The following RNF19A variants were observed in gnomAD, a reference collection of about 807,000 sequenced individuals.
RNF19A encodes E3 ubiquitin-protein ligase RNF19A.
A neutral mutation model predicts 75.7 loss-of-function variants in RNF19A; 32 were observed. The observed-to-expected ratio is 0.42, with a 90% CI of 0.32 to 0.57. RNF19A has a LOEUF of 0.57. Among genes scored for constraint, RNF19A ranks in the 20% least tolerant of loss-of-function variants. The probability of loss-of-function intolerance (pLI) is 0.10; values close to 1 mark genes in which losing one functional copy is unlikely to be tolerated. For synonymous variants in RNF19A, 335 were observed against 345.2 expected, an observed-to-expected ratio of 0.97 and a Z score of 0.33; for missense variants, 782 against 1,036.3, an observed-to-expected ratio of 0.75 and a Z score of 3.37.
At chr8:100,301,002 T>C (rs2130142272) in intron 1 of RNF19A, among the ~76,000 whole-genome samples, 1 of 152,372 alleles carries the variant, frequency 6.6e-6, no homozygotes. Flanking sequence ...ATCCTTCTAG[T>C]GACTCTAGCA....
chr8:100,317,298 T>G lies in RNF19A; in HGVS notation c.-242-3926A>C, dbSNP rs1368645043. Among the ~76,000 whole-genome samples, 2 of 152,092 alleles carry G rather than the reference T, an allele frequency of 1.3e-5. No homozygotes were observed. Among genetic ancestry groups the G allele is most frequent in the Non-Finnish European group, 1.5e-5 (1 of 68,008 alleles). On this transcript the variant is annotated intron_variant, in intron 1 of 3. Transcript: ENST00000519527. The surrounding 1 kb of genome is among the most constrained non-coding windows in gnomAD (Gnocchi z 4.3). ...AAAGTGGGAGCCCAGGCAGAGGAGGTGCCGAGAGCAAGCGAGGGCTCTGAG... is the reference window on the plus strand; with the variant it reads ...AAAGTGGGAGCCCAGGCAGAGGAGGGGCCGAGAGCAAGCGAGGGCTCTGAG...
At chr8:100,321,316 T>C (rs1822462890) in intron 1 of RNF19A, among the ~76,000 whole-genome samples, 1 of 152,266 alleles carries the variant, frequency 6.6e-6, no homozygotes, top group Non-Finnish European at 1.5e-5. Context: ...CAACAATGTT[T>C]CCAGCATCTT....
In RNF19A at chr8:100,269,883, A is replaced by T. The variant is rs1820173085; in HGVS notation, c.1014T>A (p.Asp338Glu). 6.2e-7 allele frequency: 1 copy of T among 1,605,764 alleles called. No individual in the cohort carries two copies. The highest frequency in any genetic ancestry group is 8.5e-7 in the Non-Finnish European group (1 of 1,176,244). Residue 338 changes from aspartate (D) to glutamate (E), a missense_variant, in exon 4 of 10, where the codon GAT becomes GAA. Physicochemically the swap from Asp to Glu is conservative, Grantham distance 45. Around this residue, in one of 7 missense-constraint regions of RNF19A, gnomAD observed 1 missense variants for 19.3 expected, o/e 0.05. Transcript: ENST00000341084. This position sits in a 1 kb window ranked among gnomAD's most constrained non-coding sequence, Gnocchi z 5.7. ...TATAAGCTTACCTTAGATAATGCAA[A>T]TCTGAGATTTCTTTCATACACAACC... ...FCWLCMKEIS[D>E]LHYLSPSGCT...
upstream of RNF19A, among the ~76,000 whole-genome samples, chr8:100,312,949 AAAAT>A (rs141413073): frequency 0.028 from 4,291 of 152,222 alleles, 116 homozygotes; most frequent in East Asian, 0.053. Context: ...AACAACAACA[AAAAT>A]AAATACATAA....
chr8:100,283,953 G>A (rs571925528), intron 2 of RNF19A, among the ~76,000 whole-genome samples: 1 of 151,946 alleles, frequency 6.6e-6, no homozygotes, highest in Admixed American at 6.6e-5. Context: ...TTTTAAAAAG[G>A]GCGGTCCTCT....
rs774604135 is a variant in RNF19A, at chr8:100,319,528, C to CTT, written c.-242-6158_-242-6157dup. ...CCTGAAGTTTTACCTATCTGGTTCA[C>CTT]TTTTTTTTTTTTTTTTTTTGAGACA... On this transcript the variant is annotated intron_variant, in intron 1 of 3. Coordinates refer to the RNF19A transcript ENST00000519527. Among the ~76,000 whole-genome samples, 518 of 121,944 alleles carry CTT rather than the reference C, an allele frequency of 4.2e-3. 10 individuals carry two copies. Among genetic ancestry groups the CTT allele is most frequent in the African/African-American group, 5.0e-3 (161 of 32,410 alleles). 80.0% of individuals were successfully genotyped at this position (121,944 alleles called of 152,430 possible).
chr8:100,271,762 C>T (rs1330475501), intron 3 of RNF19A, among the ~76,000 whole-genome samples: 2 of 152,072 alleles, frequency 1.3e-5, no homozygotes, highest in Admixed American at 1.3e-4. Flanking sequence ...TGCTTTGTGT[C>T]TTTCCTCAAA....
Position 100,259,914 on chromosome 8 carries a change from T to C in RNF19A, c.1766A>G (p.Asp589Gly), listed in dbSNP as rs149938039. The C allele has an allele frequency of 1.9e-6, 3 of 1,613,920 alleles. No homozygotes were observed. The highest frequency in any genetic ancestry group is 2.7e-5 in the African/African-American group (2 of 74,922). The change falls in exon 9 of 10, where the codon GAT becomes GGT. Residue 589 changes from aspartate to glycine, a missense_variant. Physicochemically the swap from Asp to Gly is moderately conservative, Grantham distance 94 (BLOSUM62 -1). Around this residue, in one of 7 missense-constraint regions of RNF19A, gnomAD observed 442 missense variants for 541.6 expected, o/e 0.82. Coordinates refer to ENST00000341084, the MANE Select transcript of RNF19A (RefSeq NM_183419.4). This position sits in a 1 kb window ranked among gnomAD's most constrained non-coding sequence, Gnocchi z 4.5. ...SGTVSLGTVS[D>G]NASTKAMAGS... ...TGCCATTGCTTTGGTGCTGGCATTA[T>C]CACTAACTGTTCCCAAGCTGACTGT...
intron 2 of RNF19A, among the ~76,000 whole-genome samples, chr8:100,279,214 A>G (rs905315589): frequency 3.9e-5 from 6 of 152,204 alleles, no homozygotes; most frequent in African/African-American, 1.2e-4. Context: ...TAGTGATATT[A>G]AAGTGAATAT....
intron 2 of RNF19A, among the ~76,000 whole-genome samples, chr8:100,282,834 T>C (rs1242066182): frequency 6.6e-6 from 1 of 152,228 alleles, no homozygotes; most frequent in African/African-American, 2.4e-5. Flanking sequence ...CCTAAGTCTA[T>C]GGCCCTATTT....
intron 1 of RNF19A, among the ~76,000 whole-genome samples, chr8:100,300,260 T>C (rs1821763560): frequency 6.6e-6 from 1 of 152,204 alleles, no homozygotes; most frequent in South Asian, 2.1e-4. Flanking sequence ...AAGGGAGTAT[T>C]TTCTAAAGAC....
At chr8:100,292,824 C>T (rs913207766) in intron 1 of RNF19A, among the ~76,000 whole-genome samples, 1 of 151,596 alleles carries the variant, frequency 6.6e-6, no homozygotes, top group African/African-American at 2.4e-5. Flanking sequence ...TAAATTATTC[C>T]ATTGCTCTAT....
Position 100,330,404 on chromosome 8 carries a change from A to G in RNF19A, c.-243+5704T>C, listed in dbSNP as rs375240233. Among the ~76,000 whole-genome samples the G allele has an allele frequency of 1.2e-4, 19 of 152,212 alleles. No individual in the cohort carries two copies. The East Asian group carries it at 1.3e-3, about 11-fold the overall frequency. On this transcript the variant is annotated intron_variant, in intron 1 of 3. Transcript: ENST00000519527. This position sits in a 1 kb window ranked among gnomAD's most constrained non-coding sequence, Gnocchi z 4.1. ...TCATAATATTAAAGTCATGACCTGT[A>G]AGGGTTATGATCTTTGCCTGGCATA...
upstream of RNF19A, chr8:100,310,242 G>T (rs899535290): frequency 3.0e-6 from 3 of 985,050 alleles, no homozygotes; most frequent in African/African-American, 5.2e-5. Flanking sequence ...GGCGGCTCTG[G>T]ACGCGGCTGT....
At position 100,269,330 on chromosome 8, in the gene RNF19A, A is replaced by T. The variant is rs1820142321; in HGVS notation, c.1029-383T>A. ...TGATTATATCACAAACTCACTCTGT[A>T]GCCTAAACGATAAAATTTATGTATG... On this transcript the variant is annotated intron_variant, in intron 4 of 9. Transcript: ENST00000341084. This position sits in a 1 kb window ranked among gnomAD's most constrained non-coding sequence, Gnocchi z 5.7. Among the ~76,000 whole-genome samples, 2 of 151,032 alleles carry T rather than the reference A, an allele frequency of 1.3e-5. No homozygotes were observed. The highest frequency in any genetic ancestry group is 4.2e-4 in the South Asian group (2 of 4,766).
chr8:100,320,200 G>A (rs1000486259), intron 1 of RNF19A, among the ~76,000 whole-genome samples: 9 of 152,082 alleles, frequency 5.9e-5, no homozygotes, highest in African/African-American at 2.2e-4. Context: ...ATATTCTATT[G>A]TTTTATATTT....
intron 3 of RNF19A, among the ~76,000 whole-genome samples, chr8:100,273,019 C>T (rs939787450): frequency 6.6e-6 from 1 of 152,114 alleles, no homozygotes; most frequent in Non-Finnish European, 1.5e-5. Flanking sequence ...ATGCCCATCA[C>T]CACGCCCGGC....
rs1822577169 is a variant in RNF19A, at chr8:100,329,054, C to T, written c.-243+7054G>A. Among the ~76,000 whole-genome samples, 1 of 152,136 alleles carries T rather than the reference C, an allele frequency of 6.6e-6. No individual in the cohort carries two copies. The highest frequency in any genetic ancestry group is 1.5e-5 in the Non-Finnish European group (1 of 68,008). On this transcript the variant is annotated intron_variant, in intron 1 of 3. Coordinates refer to the RNF19A transcript ENST00000519527. This position sits in a 1 kb window ranked among gnomAD's most constrained non-coding sequence, Gnocchi z 4.3. ...AGCACAGGCCAGATGTGACTAATTC[C>T]AGGTGCCTCCAGATCTGTCCTGGCT...
rs1174140747 is a variant in RNF19A, at chr8:100,257,135, A to C, written c.*1421T>G. 1 of 152,686 alleles carries C rather than the reference A, an allele frequency of 6.5e-6. No individual in the cohort carries two copies. Among genetic ancestry groups the C allele is most frequent in the African/African-American group, 2.4e-5 (1 of 41,472 alleles). The allele number at this position is 152,686 out of a possible 1,614,324, so 9.5% of individuals were successfully genotyped here. A position where few individuals can be genotyped will look rare whatever the true frequency, so the allele number is the denominator to read the frequency against. On this transcript the variant is annotated 3_prime_UTR_variant, in exon 10 of 10. Coordinates refer to ENST00000341084, the MANE Select transcript of RNF19A (RefSeq NM_183419.4). ...TCATTATTAAACAAAATTGGAATGC[A>C]AACAAATATACAAATACCATAAGCA... is the stretch of plus-strand genomic sequence containing the variant.
Sources: allele counts gnomAD v4.1 joint callset (sites outside exome capture counted in the v4.1 genomes callset), GRCh38; gene constraint gnomAD v4.1.1; regional missense constraint gnomAD v4.1.1; non-coding constraint Gnocchi (gnomAD v3.1); transcripts MANE v1.5; gene names NCBI Gene and HGNC (gene_info 2026-07-23, HGNC 2026-07-21).